Variants in CDC14A observed in about 807,000 individuals in gnomAD.
CDC14A encodes cell division cycle 14A.
A neutral mutation model predicts 74.4 loss-of-function variants in CDC14A; 53 were observed. That is an observed-to-expected ratio of 0.71 (90% CI 0.57 to 0.89). The LOEUF (loss-of-function observed/expected upper bound fraction) is 0.89. Ranked by LOEUF, CDC14A falls within the 40% of genes least tolerant of loss-of-function variation. The probability of loss-of-function intolerance (pLI) is 0.00; values close to 1 mark genes in which losing one functional copy is unlikely to be tolerated. For synonymous variants in CDC14A, 247 were observed against 258.4 expected (o/e 0.96, Z 0.43); for missense variants, 646 against 713.7 (o/e 0.91, Z 1.08).
chr1:100,393,771 T>C (rs568029883), intron 4 of CDC14A: 3 of 309,386 alleles, frequency 9.7e-6, no homozygotes, highest in African/African-American at 6.6e-5. Context: ...CTGACCAACA[T>C]GTCTCTACTA....
intron 8 of CDC14A, among the ~76,000 whole-genome samples, chr1:100,459,124 C>CAG (rs1212963314): frequency 1.0e-4 from 15 of 146,848 alleles, no homozygotes; most frequent in African/African-American, 3.0e-4. Flanking sequence ...CACACACACA[C>CAG]ACAGAGAGAG....
chr1:100,352,129 G>C (rs1208125385), upstream of CDC14A, among the ~76,000 whole-genome samples: 1 of 152,186 alleles, frequency 6.6e-6, no homozygotes, highest in Non-Finnish European at 1.5e-5. Context: ...AGAAAAGAAA[G>C]GGGGCGCCAG....
intron 7 of CDC14A, among the ~76,000 whole-genome samples, chr1:100,452,023 G>A (rs979559620): frequency 2.0e-5 from 3 of 152,152 alleles, no homozygotes; most frequent in African/African-American, 7.2e-5. Context: ...CTTCAAAACT[G>A]TTTCTGCATG....
At chr1:100,504,670 A>G in intron 15 of CDC14A, 1 of 611,812 alleles carries the variant, frequency 1.6e-6, no homozygotes, top group Non-Finnish European at 2.9e-6. Context: ...CCCTGTTCAG[A>G]AATGACCAGT....
At chr1:100,491,954 G>C (rs921586877) in intron 11 of CDC14A, among the ~76,000 whole-genome samples, 24 of 151,650 alleles carry the variant, frequency 1.6e-4, no homozygotes, top group Non-Finnish European at 3.4e-4. Context: ...GGGAAGAACA[G>C]TGGCCCGCGA....
chr1:100,459,118 CACACACACAGAG>C (rs1454293332), intron 8 of CDC14A, among the ~76,000 whole-genome samples: 3 of 145,812 alleles, frequency 2.1e-5, no homozygotes, highest in Non-Finnish European at 3.0e-5. Flanking sequence ...CACACACACA[CACACACACAGAG>C]AGAGAGAGAG....
rs929796237 is a variant in CDC14A, at chr1:100,508,998, G to C, written c.1756-9253G>C. Among the ~76,000 whole-genome samples the C allele has an allele frequency of 6.6e-6, 1 of 152,128 alleles. No homozygotes were observed. Among genetic ancestry groups the C allele is most frequent in the Non-Finnish European group, 1.5e-5 (1 of 68,014 alleles). ...GTAGGTCCAGTCTCTGCAGCTTGCT[G>C]TTTAGTGCCTTTTTCAGCTTTCCCC... On this transcript the variant is annotated intron_variant, in intron 15 of 15. Transcript: ENST00000336454. The surrounding 1 kb of genome is among the most constrained non-coding windows in gnomAD (Gnocchi z 4.4).
At chr1:100,362,566 C>G in intron 2 of CDC14A, among the ~76,000 whole-genome samples, 1 of 151,978 alleles carries the variant, frequency 6.6e-6, no homozygotes, top group South Asian at 2.1e-4. Context: ...TGGTTGTTTC[C>G]TATGTCTTGT....
At chr1:100,495,925 C>A (rs935735027) in intron 12 of CDC14A, 77 bp from the exon 13 acceptor site, 12 of 1,170,000 alleles carry the variant, frequency 1.0e-5, no homozygotes, top group Admixed American at 3.5e-5. Context: ...TGGTTTGATA[C>A]CATTTGATGT....
intron 4 of CDC14A, among the ~76,000 whole-genome samples, chr1:100,399,168 G>A (rs1261688851): frequency 6.6e-6 from 1 of 152,060 alleles, no homozygotes; most frequent in Non-Finnish European, 1.5e-5. Flanking sequence ...TATTTATTAG[G>A]TGTGATTGCA....
chr1:100,407,943 G>T (rs1310751332), intron 4 of CDC14A, among the ~76,000 whole-genome samples: 1 of 152,116 alleles, frequency 6.6e-6, no homozygotes, highest in East Asian at 1.9e-4. Context: ...AGGTTCAGGG[G>T]TACATGTGCA....
At chr1:100,409,045 G>C (rs1660322797) in intron 4 of CDC14A, among the ~76,000 whole-genome samples, 1 of 152,104 alleles carries the variant, frequency 6.6e-6, no homozygotes, top group Non-Finnish European at 1.5e-5. Flanking sequence ...CTGAGACTGG[G>C]CAATTTACAA....
chr1:100,432,275 CAT>C (rs1306444606), intron 5 of CDC14A, among the ~76,000 whole-genome samples: 1 of 152,138 alleles, frequency 6.6e-6, no homozygotes, highest in Non-Finnish European at 1.5e-5. Context: ...GTAGCTGGTA[CAT>C]ATATGTCATA....
chr1:100,358,195 G>A (rs1652185797), intron 2 of CDC14A, among the ~76,000 whole-genome samples: 1 of 152,130 alleles, frequency 6.6e-6, no homozygotes, highest in East Asian at 1.9e-4. Flanking sequence ...GCCTTTCAAA[G>A]AAGATTTATC....
chr1:100,400,866 A>C (rs1412398849), intron 4 of CDC14A, among the ~76,000 whole-genome samples: 1 of 151,644 alleles, frequency 6.6e-6, no homozygotes, highest in African/African-American at 2.4e-5. Context: ...CAATCTTTTC[A>C]GTTTTTTTTT....
intron 4 of CDC14A, among the ~76,000 whole-genome samples, chr1:100,416,844 A>T (rs1422974522): frequency 6.6e-6 from 1 of 152,208 alleles, no homozygotes; most frequent in Non-Finnish European, 1.5e-5. Flanking sequence ...TCCTCAGTTT[A>T]TACCTAAGGC....
chr1:100,386,548 C>T (rs546207453), intron 3 of CDC14A, among the ~76,000 whole-genome samples: 1 of 152,220 alleles, frequency 6.6e-6, no homozygotes, highest in South Asian at 2.1e-4. Context: ...GTAATCCCTG[C>T]ACTTTGGGAG....
intron 2 of CDC14A, among the ~76,000 whole-genome samples, chr1:100,372,924 C>T (rs1288501362): frequency 6.6e-6 from 1 of 152,334 alleles, no homozygotes; most frequent in South Asian, 2.1e-4. Flanking sequence ...TGGCTGGTTT[C>T]ATCTTCTATC....
intron 9 of CDC14A, among the ~76,000 whole-genome samples, chr1:100,465,319 G>A (rs1269743271): frequency 6.6e-6 from 1 of 152,140 alleles, no homozygotes; most frequent in Non-Finnish European, 1.5e-5. Context: ...GTCAGTTCTT[G>A]TATAGGATAG....
Sources: allele counts gnomAD v4.1 joint callset (sites outside exome capture counted in the v4.1 genomes callset), GRCh38; gene constraint gnomAD v4.1.1; non-coding constraint Gnocchi (gnomAD v3.1); transcripts MANE v1.5; gene names NCBI Gene and HGNC (gene_info 2026-07-23, HGNC 2026-07-21).